PCDHA5: variants seen among roughly 807,000 people sequenced by gnomAD.
The protein encoded by PCDHA5 is protocadherin alpha-5.
A neutral mutation model predicts 61.6 loss-of-function variants in PCDHA5; 43 were observed. That is an observed-to-expected ratio of 0.70 (90% CI 0.55 to 0.90). PCDHA5 has a LOEUF of 0.90. Among genes scored for constraint, PCDHA5 ranks in the 40% least tolerant of loss-of-function variants. The pLI, the probability that PCDHA5 is intolerant of heterozygous loss-of-function variation, is 0.00. For synonymous variants in PCDHA5, 627 were observed against 543.9 expected, an observed-to-expected ratio of 1.15 and a Z score of -2.13; for missense variants, 1,298 against 1,222.7, an observed-to-expected ratio of 1.06 and a Z score of -0.92.
At chr5:140,956,181 T>C (rs1351584707) in intron 1 of PCDHA5, among the ~76,000 whole-genome samples, 1 of 152,212 alleles carries the variant, frequency 6.6e-6, no homozygotes, top group South Asian at 2.1e-4. Flanking sequence ...CTTCCAATAC[T>C]ATGCTGAATA....
chr5:140,956,707 C>T (rs1461272130), intron 1 of PCDHA5, among the ~76,000 whole-genome samples: 9 of 152,120 alleles, frequency 5.9e-5, no homozygotes, highest in Non-Finnish European at 1.3e-4. Flanking sequence ...TTTGGAATAG[C>T]TTCAGAAGAA....
intron 1 of PCDHA5, chr5:140,834,460 C>G (rs202125503): frequency 6.3e-6 from 10 of 1,589,954 alleles, no homozygotes; most frequent in Non-Finnish European, 8.6e-6. Flanking sequence ...GCTTGGGAGG[C>G]AGGGAGAGGC....
Position 140,895,372 on chromosome 5 carries a change from T to C in PCDHA5, c.2352+71245T>C, listed in dbSNP as rs112463980. Among the ~76,000 whole-genome samples, 883 of 152,294 alleles carry C rather than the reference T, an allele frequency of 5.8e-3. 7 individuals carry two copies. The highest frequency in any genetic ancestry group is 0.021 in the African/African-American group (855 of 41,558). On this transcript the variant is annotated intron_variant, in intron 1 of 3. Coordinates refer to ENST00000529859, the MANE Select transcript of PCDHA5 (RefSeq NM_018908.3). The stretch of plus-strand genomic sequence containing the variant: ...CCAGTGAGTACTTATTGGCACTTTT[T>C]GGAGTTCTTCAATTCTCAACACCAT...
intron 1 of PCDHA5, chr5:140,968,967 A>G (rs782494657): frequency 2.5e-6 from 4 of 1,614,216 alleles, no homozygotes; most frequent in East Asian, 2.2e-5. Context: ...TGCTACCGCT[A>G]CACTGCGTAT....
At chr5:140,869,771 C>T (rs1554163429) in intron 1 of PCDHA5, 11 of 1,613,176 alleles carry the variant, frequency 6.8e-6, no homozygotes, top group Middle Eastern at 1.6e-4. Flanking sequence ...CCAGAGCTTA[C>T]TGGCACCGTT....
rs57893927 is a variant in PCDHA5, at chr5:140,946,631, T to TATATATATATATATATATATATAC, written c.2353-32317_2353-32316insTATATATATATATATATATATACA. Among the ~76,000 whole-genome samples the TATATATATATATATATATATATAC allele has an allele frequency of 2.6e-3, 340 of 131,752 alleles. 23 individuals carry two copies. The highest frequency in any genetic ancestry group is 0.011 in the African/African-American group (303 of 28,632). The allele number at this position is 131,752 out of a possible 152,430, so 86.4% of individuals were successfully genotyped here. On this transcript the variant is annotated intron_variant, in intron 1 of 3. Transcript: ENST00000529859. ...TGTGAAATATATATATATATATATA[T>TATATATATATATATATATATATAC]ACAATGGAATACTCATCAGCCATTA...
At chr5:140,971,987 G>A (rs1246433962) in intron 1 of PCDHA5, among the ~76,000 whole-genome samples, 1 of 152,086 alleles carries the variant, frequency 6.6e-6, no homozygotes, top group Non-Finnish European at 1.5e-5. Context: ...GTAGACAGAA[G>A]TTCCAATGTT....
chr5:140,981,888 G>A (rs1554243508), intron 2 of PCDHA5, among the ~76,000 whole-genome samples: 1 of 152,140 alleles, frequency 6.6e-6, no homozygotes, highest in Non-Finnish European at 1.5e-5. Flanking sequence ...AATCTCTTCT[G>A]AGCGGGGATC....
rs116743674 is a variant in PCDHA5, at chr5:140,927,144, A to G, written c.2353-51805A>G. On this transcript the variant is annotated intron_variant, in intron 1 of 3. Transcript: ENST00000529859. ...TGGTCAGAGAGCCGGCGGACCGCGA[A>G]CAGCTGTGCAGGGCCAAAGCTGCCT... 3.2e-3 allele frequency: 5,191 copies of G among 1,614,096 alleles called. 26 individuals are homozygous for G. The highest frequency in any genetic ancestry group is 0.019 in the African/African-American group (1,449 of 75,034).
In PCDHA5 at chr5:140,982,477, C is replaced by G. The variant is rs782587733; in HGVS notation, c.2414C>G (p.Ser805Cys). ...SASLRAGMHS[S>C]VHLEEAGILR... ...TCTGGGTCTGTGTGTTTATTCAGCT[C>G]TGTGCACCTAGAGGAGGCTGGCATT... is the stretch of plus-strand genomic sequence containing the variant. Residue 805 changes from serine to cysteine, a missense_variant and splice_region_variant, in exon 3 of 4, where the codon TCT (serine) becomes TGT (cysteine). Coordinates refer to ENST00000529859, the MANE Select transcript of PCDHA5 (RefSeq NM_018908.3). 2 of 1,614,188 alleles carry G rather than the reference C, an allele frequency of 1.2e-6. No homozygotes were observed. Among genetic ancestry groups the G allele is most frequent in the Non-Finnish European group, 1.7e-6 (2 of 1,180,030 alleles).
At chr5:140,869,126 G>A in intron 1 of PCDHA5, 4 of 1,611,734 alleles carry the variant, frequency 2.5e-6, no homozygotes, top group Non-Finnish European at 3.4e-6. Context: ...CAGAGAAGGG[G>A]ATTGGGCACC....
At position 140,849,493 on chromosome 5, in the gene PCDHA5, A is replaced by G. The variant is rs2150439016; in HGVS notation, c.2352+25366A>G. ...AAAGGCTTCCCACCCCTGGCTGGTC[A>G]TTGTACACTTCTTGTGGAAGTTGTG... On this transcript the variant is annotated intron_variant, in intron 1 of 3. Transcript: ENST00000529859. 4.4e-6 allele frequency: 7 copies of G among 1,593,210 alleles called. 2 individuals are homozygous for G. Among genetic ancestry groups the G allele is most frequent in the Non-Finnish European group, 3.4e-6 (4 of 1,164,850 alleles).
intron 1 of PCDHA5, among the ~76,000 whole-genome samples, chr5:140,958,134 T>C (rs1235856780): frequency 6.6e-6 from 1 of 152,150 alleles, no homozygotes; most frequent in African/African-American, 2.4e-5. Flanking sequence ...TGTATCAGTG[T>C]GTATATTTAT....
At chr5:140,947,706 A>G (rs2153680894) in intron 1 of PCDHA5, among the ~76,000 whole-genome samples, 1 of 151,686 alleles carries the variant, frequency 6.6e-6, no homozygotes, top group East Asian at 1.9e-4. Context: ...AGTTTTAAGT[A>G]TTGAGGTTTC....
At chr5:140,887,241 C>T (rs1215011038) in intron 1 of PCDHA5, among the ~76,000 whole-genome samples, 2 of 151,912 alleles carry the variant, frequency 1.3e-5, no homozygotes, top group African/African-American at 2.4e-5. Flanking sequence ...AGACTACCGG[C>T]GCCCGCCACC....
chr5:140,981,981 A>G (rs2096960839), intron 2 of PCDHA5, among the ~76,000 whole-genome samples: 1 of 152,208 alleles, frequency 6.6e-6, no homozygotes, highest in Non-Finnish European at 1.5e-5. Flanking sequence ...GAAAGAGTAA[A>G]ATAGAAAATA....
chr5:141,001,987 A>C (rs547998020), intron 3 of PCDHA5, among the ~76,000 whole-genome samples: 3 of 152,302 alleles, frequency 2.0e-5, no homozygotes, highest in African/African-American at 7.2e-5. Context: ...AAAGCCTGGA[A>C]GTTCACTTGC....
chr5:140,935,561 T>C (rs1184981109), intron 1 of PCDHA5, among the ~76,000 whole-genome samples: 3 of 152,218 alleles, frequency 2.0e-5, no homozygotes, highest in African/African-American at 7.2e-5. Context: ...TTGGAAAAGT[T>C]CCTCTCTGTG....
intron 1 of PCDHA5, chr5:140,871,680 A>G: frequency 9.0e-7 from 1 of 1,108,842 alleles, no homozygotes; most frequent in Admixed American, 3.1e-5. Flanking sequence ...AATCATATGA[A>G]TAATCTGGCT....
Sources: allele counts gnomAD v4.1 joint callset (sites outside exome capture counted in the v4.1 genomes callset), GRCh38; gene constraint gnomAD v4.1.1; transcripts MANE v1.5; gene names NCBI Gene and HGNC (gene_info 2026-07-23, HGNC 2026-07-21).